Variants in MICU2 observed in about 807,000 individuals in gnomAD.
MICU2 encodes the protein mitochondrial calcium uptake 2.
Under a neutral mutation model 60.4 loss-of-function variants are expected in MICU2, and 64 were observed. The observed-to-expected ratio is 1.06, with a 90% CI of 0.87 to 1.31. The LOEUF is 1.31. MICU2 is among the 50% of genes most tolerant of loss of function. The probability of loss-of-function intolerance (pLI) is 0.00; values close to 1 mark genes in which losing one functional copy is unlikely to be tolerated. For missense variants in MICU2, 569 were observed against 531.0 expected (o/e 1.07, Z -0.70); for synonymous variants, 201 against 175.0 (o/e 1.15, Z -1.17).
chr13:21,595,884 T>G (rs1888681635), intron 1 of MICU2, among the ~76,000 whole-genome samples: 1 of 152,252 alleles, frequency 6.6e-6, no homozygotes, highest in African/African-American at 2.4e-5. Flanking sequence ...TAGCTACTTT[T>G]TGACACCTGC....
At chr13:21,519,595 T>C (rs1297860589) in intron 6 of MICU2, among the ~76,000 whole-genome samples, 2 of 152,198 alleles carry the variant, frequency 1.3e-5, no homozygotes, top group African/African-American at 2.4e-5. Context: ...TTCTTCCCCT[T>C]TGGGGTCATA....
intron 4 of MICU2, among the ~76,000 whole-genome samples, chr13:21,527,303 T>C (rs1886883199): frequency 6.6e-6 from 1 of 152,184 alleles, no homozygotes; most frequent in African/African-American, 2.4e-5. Context: ...AATACGGCAA[T>C]GTGAAAAAAA....
intron 2 of MICU2, among the ~76,000 whole-genome samples, chr13:21,546,931 A>AAAC (rs1887432549): frequency 6.6e-6 from 1 of 152,210 alleles, no homozygotes; most frequent in Non-Finnish European, 1.5e-5. Flanking sequence ...TCCTGTACAT[A>AAAC]AACAAAGACA....
chr13:21,497,362 G>C (rs113020590), intron 9 of MICU2, among the ~76,000 whole-genome samples: 5,625 of 151,902 alleles, frequency 0.037, 348 homozygotes, highest in African/African-American at 0.13. Flanking sequence ...GAGACTCTGT[G>C]TAAAAACAAA....
At chr13:21,511,270 T>G (rs1886421764) in intron 7 of MICU2, among the ~76,000 whole-genome samples, 1 of 152,072 alleles carries the variant, frequency 6.6e-6, no homozygotes. Flanking sequence ...GGGAAGAGTA[T>G]TAAGGAGAAT....
chr13:21,522,264 T>G (rs1259875591), intron 5 of MICU2, among the ~76,000 whole-genome samples: 1 of 152,226 alleles, frequency 6.6e-6, no homozygotes, highest in African/African-American at 2.4e-5. Context: ...AGTGTCTCAG[T>G]CTTTTCTTGT....
intron 1 of MICU2, among the ~76,000 whole-genome samples, chr13:21,587,081 T>A (rs958394540): frequency 2.0e-5 from 3 of 152,124 alleles, no homozygotes; most frequent in East Asian, 3.9e-4. Flanking sequence ...CAAGACTTGG[T>A]TGCACCCTCT....
intron 4 of MICU2, among the ~76,000 whole-genome samples, chr13:21,535,387 A>G (rs974741713): frequency 6.6e-6 from 1 of 152,180 alleles, no homozygotes; most frequent in African/African-American, 2.4e-5. Flanking sequence ...CTGAGTTTTC[A>G]CAACTGGTAA....
At chr13:21,562,271 T>C (rs189216341) in intron 2 of MICU2, among the ~76,000 whole-genome samples, 1 of 152,254 alleles carries the variant, frequency 6.6e-6, no homozygotes, top group African/African-American at 2.4e-5. Flanking sequence ...GTTCTAGATC[T>C]CTGAGGAGTC....
intron 1 of MICU2, among the ~76,000 whole-genome samples, chr13:21,599,392 C>G (rs959565353): frequency 6.6e-5 from 10 of 152,186 alleles, no homozygotes; most frequent in Non-Finnish European, 1.3e-4. Flanking sequence ...TGTCTCCTCC[C>G]TTCTATGATT....
chr13:21,579,065 A>G (rs2138055251), intron 1 of MICU2, among the ~76,000 whole-genome samples: 1 of 152,318 alleles, frequency 6.6e-6, no homozygotes, highest in East Asian at 1.9e-4. Flanking sequence ...TTCATCTTGG[A>G]GTACATTAAC....
chr13:21,524,432 C>A (rs1020590918), intron 4 of MICU2, among the ~76,000 whole-genome samples: 1 of 152,110 alleles, frequency 6.6e-6, no homozygotes, highest in African/African-American at 2.4e-5. Context: ...AAAAAAACCT[C>A]CCTGCCAGAT....
At chr13:21,546,173 T>A (rs1383860412) in intron 2 of MICU2, among the ~76,000 whole-genome samples, 5 of 152,200 alleles carry the variant, frequency 3.3e-5, no homozygotes, top group Non-Finnish European at 7.3e-5. Flanking sequence ...AAAGGTAGTC[T>A]CTGGTTGTAT....
At position 21,501,387 on chromosome 13, in the gene MICU2, C is replaced by A. The variant is rs113811832; in HGVS notation, c.933+1539G>T. 1.6e-4 allele frequency among the ~76,000 whole-genome samples: 25 copies of A among 152,068 alleles called. No individual in the cohort carries two copies. The East Asian group carries it at 4.7e-3, about 28-fold the overall frequency. On this transcript the variant is annotated intron_variant, in intron 9 of 11. Coordinates refer to ENST00000382374, the MANE Select transcript of MICU2 (RefSeq NM_152726.3). ...ACACTATTCTCCTGCCTCAGCCTCC[C>A]GAGTAGCTGGGACTACAGGCACCTG...
chr13:21,515,440 T>C (rs572537221), intron 6 of MICU2: 9 of 291,904 alleles, frequency 3.1e-5, no homozygotes, highest in Middle Eastern at 9.6e-4. Context: ...CCTTTATGCA[T>C]TTATAAAGCA....
In MICU2 at chr13:21,515,826, C is replaced by T. The variant is rs117515774; in HGVS notation, c.598-1408G>A. The stretch of plus-strand genomic sequence containing the variant: ...GTTTTCAATGCCCCCCTTTCCCCTA[C>T]TTAATTATTTTTGGGAAAAAAGTTA... On this transcript the variant is annotated intron_variant, in intron 6 of 11. Coordinates refer to ENST00000382374, the MANE Select transcript of MICU2 (RefSeq NM_152726.3). 8.5e-5 allele frequency among the ~76,000 whole-genome samples: 13 copies of T among 152,240 alleles called. No homozygotes were observed. In the East Asian group the frequency reaches 2.5e-3, roughly 29 times the overall value.
rs528777921 is a variant in MICU2 at position 21,592,767 on chromosome 13, C to G, written c.210+11172G>C. Among the ~76,000 whole-genome samples, 17 of 152,308 alleles carry G rather than the reference C, an allele frequency of 1.1e-4. No individual in the cohort carries two copies. In the South Asian group the frequency reaches 3.5e-3, roughly 32 times the overall value. On this transcript the variant is annotated intron_variant, in intron 1 of 11. Transcript: ENST00000382374. ...TAAACAGAGCCAAAGACAAAAACCA[C>G]ACGATTATCTCAATAGATACAGAAA... is the stretch of plus-strand genomic sequence containing the variant.
At chr13:21,499,500 C>A (rs1886089765) in intron 9 of MICU2, among the ~76,000 whole-genome samples, 2 of 151,730 alleles carry the variant, frequency 1.3e-5, no homozygotes, top group African/African-American at 4.8e-5. Context: ...AACTTCACCT[C>A]CTGGGTTCAC....
chr13:21,507,216 GAACT>G (rs1389136284), intron 8 of MICU2, among the ~76,000 whole-genome samples: 1 of 151,946 alleles, frequency 6.6e-6, no homozygotes, highest in Non-Finnish European at 1.5e-5. Context: ...ATTTATAGAA[GAACT>G]AATTTAAAAA....
Sources: allele counts gnomAD v4.1 joint callset (sites outside exome capture counted in the v4.1 genomes callset), GRCh38; gene constraint gnomAD v4.1.1; transcripts MANE v1.5; gene names NCBI Gene and HGNC (gene_info 2026-07-23, HGNC 2026-07-21).